Variants in ZIM2 observed in about 807,000 individuals in gnomAD.
ZIM2 encodes the protein zinc finger protein 656.
ZIM2 carries 14 observed loss-of-function variants against 38.6 expected under a neutral mutation model. The observed-to-expected ratio is 0.36, with a 90% CI of 0.24 to 0.57. The LOEUF (loss-of-function observed/expected upper bound fraction) is 0.57. Ranked by LOEUF, ZIM2 falls within the 20% of genes least tolerant of loss-of-function variation. The pLI is 0.81. For synonymous variants in ZIM2, 247 were observed against 245.8 expected (o/e 1.00, Z -0.04); for missense variants, 680 against 695.1 (o/e 0.98, Z 0.24).
In ZIM2 at chr19:56,817,744, A is replaced by C. The variant is rs1197806951; in HGVS notation, c.490+2T>G. 1 of 1,613,522 alleles carries C rather than the reference A, an allele frequency of 6.2e-7. No individual in the cohort carries two copies. Among genetic ancestry groups the C allele is most frequent in the Non-Finnish European group, 8.5e-7 (1 of 1,179,466 alleles). On this transcript the variant is annotated splice_donor_variant, in intron 9 of 12. Transcript: ENST00000629319. LOFTEE classifies it high-confidence loss of function. ...CCTCTGTGGGATGTGCCTCCTGCTT[A>C]CCTCGACTGGTGCTTGGGTAGGCAC...
intron 9 of ZIM2, chr19:56,815,429 A>C: frequency 6.2e-7 from 1 of 1,614,046 alleles, no homozygotes; most frequent in Non-Finnish European, 8.5e-7. Context: ...CGAATGACAG[A>C]CCATTCATAG....
Position 56,816,653 on chromosome 19 carries a change from C to T in ZIM2, c.490+1093G>A, listed in dbSNP as rs760661733. ...CCGCGCTCACGTTCACGTTCACGTT[C>T]ATGTTCACGCTCATTATCTTTGTCA... On this transcript the variant is annotated intron_variant, in intron 9 of 12. Coordinates refer to ENST00000629319, the MANE Select transcript of ZIM2 (RefSeq NM_001387356.1). 14 of 1,613,200 alleles carry T rather than the reference C, an allele frequency of 8.7e-6. No homozygotes were observed. The highest frequency in any genetic ancestry group is 6.7e-5 in the Admixed American group (4 of 59,974).
At chr19:56,799,683 C>G (rs1246035106) in intron 9 of ZIM2, 1 of 152,036 alleles carries the variant, frequency 6.6e-6, no homozygotes, top group African/African-American at 2.4e-5. Flanking sequence ...AGTATTTACC[C>G]AAGAGAAATA....
intron 10 of ZIM2, among the ~76,000 whole-genome samples, chr19:56,785,128 C>A (rs970961994): frequency 5.9e-5 from 9 of 152,160 alleles, no homozygotes; most frequent in African/African-American, 1.9e-4. Context: ...ATTAGAAAAT[C>A]TGGGGACTGG....
chr19:56,792,138 A>G (rs750490650), intron 9 of ZIM2, among the ~76,000 whole-genome samples: 2 of 151,842 alleles, frequency 1.3e-5, no homozygotes, highest in African/African-American at 4.8e-5. Flanking sequence ...GAGAAATAGT[A>G]TATGTTAAAA....
intron 9 of ZIM2, chr19:56,817,114 T>A (rs747693449): frequency 6.2e-7 from 1 of 1,614,186 alleles, no homozygotes; most frequent in South Asian, 1.1e-5. Context: ...ATCAATTGGC[T>A]GTGACTCGGT....
intron 1 of ZIM2, among the ~76,000 whole-genome samples, chr19:56,838,485 G>A (rs2146714277): frequency 6.6e-6 from 1 of 152,232 alleles, no homozygotes; most frequent in Admixed American, 6.5e-5. Flanking sequence ...CCAGCAGGGC[G>A]CCTGCACAAC....
In ZIM2 at chr19:56,810,759, G is replaced by A. The variant is rs545904180; in HGVS notation, c.490+6987C>T. On this transcript the variant is annotated intron_variant, in intron 9 of 12. Transcript: ENST00000629319. ...CACTGTTATCACAAGCGTGTGCACTGAAACAAGATAGAGGAAACAGATCAA... is the reference window on the plus strand; with the variant it reads ...CACTGTTATCACAAGCGTGTGCACTAAAACAAGATAGAGGAAACAGATCAA... 9.2e-6 allele frequency: 9 copies of A among 983,528 alleles called. No homozygotes were observed. The African/African-American group carries it at 1.6e-4, about 17-fold the overall frequency. 60.9% of individuals were successfully genotyped at this position (983,528 alleles called of 1,614,324 possible). A position where few individuals can be genotyped will look rare whatever the true frequency, so the allele number is the denominator to read the frequency against.
intron 9 of ZIM2, chr19:56,813,569 T>C: frequency 6.8e-7 from 1 of 1,466,080 alleles, no homozygotes; most frequent in South Asian, 1.4e-5. Flanking sequence ...TGTAACACAC[T>C]AAGGTTAAGT....
At chr19:56,818,465 T>C in intron 8 of ZIM2, 135 bp downstream of exon 8, 1 of 956,052 alleles carries the variant, frequency 1.0e-6, no homozygotes, top group Non-Finnish European at 1.5e-6. Context: ...TCATTTGAAA[T>C]CTTTCAAAGA....
chr19:56,812,785 A>G, intron 9 of ZIM2: 1 of 983,656 alleles, frequency 1.0e-6, no homozygotes, highest in Non-Finnish European at 1.2e-6. Context: ...GGGTTTTATC[A>G]ATTCACTATC....
In ZIM2 at chr19:56,814,870, T is replaced by C. The variant is rs765100161; in HGVS notation, c.490+2876A>G. The C allele has an allele frequency of 6.2e-7, 1 of 1,614,188 alleles. No individual in the cohort carries two copies. Among genetic ancestry groups the C allele is most frequent in the East Asian group, 2.2e-5 (1 of 44,876 alleles). On this transcript the variant is annotated intron_variant, in intron 9 of 12. Transcript: ENST00000629319. The surrounding 1 kb of genome is among the most constrained non-coding windows in gnomAD (Gnocchi z 5.8). ...ACCATCATCACACCCCTTCATGGAATACAACTGGTCTTGTTCATGGATTCT... is the reference window on the plus strand; with the variant it reads ...ACCATCATCACACCCCTTCATGGAACACAACTGGTCTTGTTCATGGATTCT...
Position 56,774,866 on chromosome 19 carries a change from C to A in ZIM2, c.1499G>T (p.Cys500Phe), listed in dbSNP as rs1186295648. The A allele has an allele frequency of 1.9e-6, 3 of 1,614,058 alleles. No individual in the cohort carries two copies. Among genetic ancestry groups the A allele is most frequent in the African/African-American group, 2.7e-5 (2 of 74,920 alleles). ...DYVGERACQCCDCGRVFSRNS... is the reference protein window; with the variant it reads ...DYVGERACQCFDCGRVFSRNS... Reference sequence around the variant, plus strand: ...CCGACTGAAGACTCTGCCACAGTCACAACACTGGCAGGCTCTCTCTCCAAC... The same window carrying A: ...CCGACTGAAGACTCTGCCACAGTCAAAACACTGGCAGGCTCTCTCTCCAAC... Residue 500 changes from cysteine to phenylalanine, a missense_variant, in exon 13 of 13, where the codon TGT becomes TTT. Physicochemically the swap from Cys to Phe is radical, Grantham distance 205 (BLOSUM62 -2). Transcript: ENST00000629319.
At chr19:56,790,500 C>T (rs2046874014) in intron 9 of ZIM2, among the ~76,000 whole-genome samples, 1 of 152,210 alleles carries the variant, frequency 6.6e-6, no homozygotes, top group African/African-American at 2.4e-5. Context: ...AGTGTATCCA[C>T]TCTGTATACA....
intron 12 of ZIM2, among the ~76,000 whole-genome samples, chr19:56,777,634 A>G (rs1272894366): frequency 6.6e-6 from 1 of 152,228 alleles, no homozygotes; most frequent in African/African-American, 2.4e-5. Context: ...ACATGTTGCT[A>G]TCAAATACTT....
At chr19:56,813,201 CAA>C (rs35563894) in intron 9 of ZIM2, 12,222 of 830,216 alleles carry the variant, frequency 0.015, no homozygotes, top group Middle Eastern at 0.021. Context: ...CTTCCTCCTC[CAA>C]AAAAAAAAAA....
In ZIM2 at chr19:56,814,990, C is replaced by A; in HGVS notation, c.490+2756G>T. 2.5e-6 allele frequency: 4 copies of A among 1,614,174 alleles called. No individual in the cohort carries two copies. Among genetic ancestry groups the A allele is most frequent in the Non-Finnish European group, 3.4e-6 (4 of 1,180,032 alleles). On this transcript the variant is annotated intron_variant, in intron 9 of 12. Coordinates refer to ENST00000629319, the MANE Select transcript of ZIM2 (RefSeq NM_001387356.1). The surrounding 1 kb of genome is among the most constrained non-coding windows in gnomAD (Gnocchi z 5.8). ...TCCAGTGTAATCTCTCTGATACTCG[C>A]TGATGGAATGGGTGTGAATTACAGA...
intron 9 of ZIM2, chr19:56,816,220 A>C (rs1301087454): frequency 6.2e-7 from 1 of 1,614,120 alleles, no homozygotes. Flanking sequence ...ATCACTTTCA[A>C]GAGGTCTTGT....
chr19:56,817,483 T>G (rs751539114), intron 9 of ZIM2: 12 of 1,612,316 alleles, frequency 7.4e-6, no homozygotes, highest in African/African-American at 2.7e-5. Flanking sequence ...TGACACATCC[T>G]TGATGAATTT....
Sources: allele counts gnomAD v4.1 joint callset (sites outside exome capture counted in the v4.1 genomes callset), GRCh38; gene constraint gnomAD v4.1.1; non-coding constraint Gnocchi (gnomAD v3.1); transcripts MANE v1.5; gene names NCBI Gene and HGNC (gene_info 2026-07-23, HGNC 2026-07-21).